The following KDM4B variants were observed in gnomAD, a reference collection of about 807,000 sequenced individuals.
The protein encoded by KDM4B is lysine demethylase 4B, also known as lysine-specific demethylase 4B.
A neutral mutation model predicts 125.2 loss-of-function variants in KDM4B; 32 were observed. That is an observed-to-expected ratio of 0.26 (90% CI 0.19 to 0.34). The LOEUF is 0.34. Ranked by LOEUF, KDM4B falls within the 10% of genes least tolerant of loss-of-function variation. The probability of loss-of-function intolerance (pLI) is 1.00; values close to 1 mark genes in which losing one functional copy is unlikely to be tolerated. For synonymous variants in KDM4B, 721 were observed against 677.9 expected, an observed-to-expected ratio of 1.06 and a Z score of -0.99; for missense variants, 1,190 against 1,577.7, an observed-to-expected ratio of 0.75 and a Z score of 4.16.
At position 5,142,769 on chromosome 19, in the gene KDM4B, A is replaced by G. The variant is rs2039767978; in HGVS notation, c.2551-1198A>G. On this transcript the variant is annotated intron_variant, in intron 18 of 22. Transcript: ENST00000159111. The surrounding 1 kb of genome is among the most constrained non-coding windows in gnomAD (Gnocchi z 5.4). Reference sequence around the variant, plus strand: ...GTGTTGTGTGATGGGAGAATTGGGTATTTACAGTTTAATAACGAGATCTCG... The same window carrying G: ...GTGTTGTGTGATGGGAGAATTGGGTGTTTACAGTTTAATAACGAGATCTCG... Among the ~76,000 whole-genome samples, 1 of 151,798 alleles carries G rather than the reference A, an allele frequency of 6.6e-6. No homozygotes were observed. The highest frequency in any genetic ancestry group is 2.4e-5 in the African/African-American group (1 of 41,314).
chr19:5,105,255 GGC>G, intron 9 of KDM4B, among the ~76,000 whole-genome samples: 1 of 152,374 alleles, frequency 6.6e-6, no homozygotes, highest in African/African-American at 2.4e-5. Context: ...CCGGTAGTGG[GGC>G]GCGCGCAGCT....
Position 5,136,008 on chromosome 19 carries a change from C to T in KDM4B, c.2308+447C>T, listed in dbSNP as rs1348437277. ...AGAGCAAGAAATGGGCCAGGCACCC[C>T]GTCTCTCCGCAGGCTGTGTTCCCTG... On this transcript the variant is annotated intron_variant, in intron 15 of 22. Coordinates refer to ENST00000159111, the MANE Select transcript of KDM4B (RefSeq NM_015015.3). Among the ~76,000 whole-genome samples the T allele has an allele frequency of 6.6e-5, 10 of 152,256 alleles. 1 individual carries two copies. The South Asian group carries it at 1.4e-3, about 22-fold the overall frequency.
At chr19:5,088,910 G>A (rs959607195) in intron 9 of KDM4B, among the ~76,000 whole-genome samples, 3 of 152,166 alleles carry the variant, frequency 2.0e-5, no homozygotes, top group Admixed American at 1.3e-4. Flanking sequence ...AAGGCCCAGC[G>A]TGGGTGAACC....
At chr19:5,094,651 G>A (rs1488426255) in intron 9 of KDM4B, among the ~76,000 whole-genome samples, 1 of 152,136 alleles carries the variant, frequency 6.6e-6, no homozygotes, top group Non-Finnish European at 1.5e-5. Context: ...GGGAGGGGTG[G>A]GGACTTGGGC....
intron 1 of KDM4B, among the ~76,000 whole-genome samples, chr19:5,000,885 G>A (rs900027586): frequency 2.0e-5 from 3 of 152,136 alleles, no homozygotes; most frequent in African/African-American, 7.2e-5. Flanking sequence ...AGTCAGGACT[G>A]CACAAAAAGG....
intron 1 of KDM4B, among the ~76,000 whole-genome samples, chr19:5,000,762 G>T (rs2035358950): frequency 6.6e-6 from 1 of 152,042 alleles, no homozygotes; most frequent in South Asian, 2.1e-4. Context: ...GTTTTTGTTT[G>T]TGTTTTGGAC....
chr19:5,136,756 C>G (rs1467993174), intron 15 of KDM4B, among the ~76,000 whole-genome samples: 1 of 152,214 alleles, frequency 6.6e-6, no homozygotes, highest in Non-Finnish European at 1.5e-5. Flanking sequence ...GGCAGTGATC[C>G]CCAGCAGAGG....
intron 4 of KDM4B, 97 bp downstream of exon 4, chr19:5,040,108 C>G: frequency 7.6e-7 from 1 of 1,309,866 alleles, no homozygotes; most frequent in Non-Finnish European, 1.0e-6. Context: ...ACACGCAGCC[C>G]CCACAGCATG....
chr19:5,088,329 G>A (rs2038573611), intron 9 of KDM4B, among the ~76,000 whole-genome samples: 1 of 152,206 alleles, frequency 6.6e-6, no homozygotes, highest in Admixed American at 6.5e-5. Context: ...TCTGATCAAA[G>A]GGAGGTGAGT....
chr19:5,014,457 T>C (rs1341715831), intron 1 of KDM4B, among the ~76,000 whole-genome samples: 1 of 152,222 alleles, frequency 6.6e-6, no homozygotes, highest in South Asian at 2.1e-4. Context: ...TTTGTATTTT[T>C]AGTAGAGACG....
intron 1 of KDM4B, among the ~76,000 whole-genome samples, chr19:4,980,297 G>A (rs112103272): frequency 1.3e-5 from 2 of 151,546 alleles, no homozygotes; most frequent in African/African-American, 4.8e-5. Flanking sequence ...GGCCTGTCCT[G>A]AACATTTCAT....
intron 6 of KDM4B, among the ~76,000 whole-genome samples, chr19:5,048,407 G>C (rs2037101785): frequency 6.6e-6 from 1 of 152,222 alleles, no homozygotes; most frequent in African/African-American, 2.4e-5. Flanking sequence ...GGAACCTGCT[G>C]GGTGCTCCGC....
intron 6 of KDM4B, among the ~76,000 whole-genome samples, chr19:5,068,756 G>GT (rs1159747705): frequency 2.0e-5 from 3 of 152,242 alleles, no homozygotes; most frequent in Non-Finnish European, 4.4e-5. Context: ...TGTGATTTCT[G>GT]TGGGGGCTGC....
chr19:5,035,859 G>GTC lies in KDM4B; in HGVS notation c.141+2832_141+2833dup, dbSNP rs1568244528. ...CTGTGGAGGGGCTGTGTGTGCACGT[G>GTC]TCTCTGTGTGTGTGTGTGTGTGCGC... On this transcript the variant is annotated intron_variant, in intron 3 of 22. Coordinates refer to ENST00000159111, the MANE Select transcript of KDM4B (RefSeq NM_015015.3). The surrounding 1 kb of genome is among the most constrained non-coding windows in gnomAD (Gnocchi z 5.3). Among the ~76,000 whole-genome samples the GTC allele has an allele frequency of 1.6e-4, 12 of 77,380 alleles. 1 individual carries two copies. The highest frequency in any genetic ancestry group is 3.2e-4 in the East Asian group (1 of 3,102). The allele number at this position is 77,380 out of a possible 152,430, so 50.8% of individuals were successfully genotyped here. A position where few individuals can be genotyped will look rare whatever the true frequency, so the allele number is the denominator to read the frequency against.
chr19:5,099,961 T>C (rs2038899462), intron 9 of KDM4B, among the ~76,000 whole-genome samples: 1 of 152,228 alleles, frequency 6.6e-6, no homozygotes, highest in Non-Finnish European at 1.5e-5. Context: ...TAGAAGAACT[T>C]GTGCAGGAGA....
intron 1 of KDM4B, among the ~76,000 whole-genome samples, chr19:4,981,290 G>A (rs753293768): frequency 2.0e-5 from 3 of 152,090 alleles, no homozygotes; most frequent in Non-Finnish European, 4.4e-5. Flanking sequence ...ACCACACCAG[G>A]GCCCGACGGC....
chr19:5,000,968 C>T (rs1328467635), intron 1 of KDM4B, among the ~76,000 whole-genome samples: 1 of 152,164 alleles, frequency 6.6e-6, no homozygotes, highest in East Asian at 1.9e-4. Flanking sequence ...AAAGGAATCT[C>T]GTTAGTCTCT....
At chr19:5,151,211 G>C (rs2039941119) in intron 22 of KDM4B, 124 bp from the exon 23 acceptor site, 2 of 833,940 alleles carry the variant, frequency 2.4e-6, no homozygotes, top group Non-Finnish European at 3.3e-6. Flanking sequence ...GGAGCCTGCT[G>C]AGCAGCCCCC....
chr19:5,137,484 C>G (rs1284179004), intron 16 of KDM4B, 137 bp from the exon 17 acceptor site: 15 of 1,196,492 alleles, frequency 1.3e-5, no homozygotes, highest in Non-Finnish European at 1.7e-5. Flanking sequence ...CCAAGGGATT[C>G]CCACCCGTCA....
Sources: allele counts gnomAD v4.1 joint callset (sites outside exome capture counted in the v4.1 genomes callset), GRCh38; gene constraint gnomAD v4.1.1; non-coding constraint Gnocchi (gnomAD v3.1); transcripts MANE v1.5; gene names NCBI Gene and HGNC (gene_info 2026-07-23, HGNC 2026-07-21).